LOC400499: variants seen among roughly 807,000 people sequenced by gnomAD.
chr16:11,497,318 A>G, the LOC400499 span, among the ~76,000 whole-genome samples: 1 of 152,370 alleles, frequency 6.6e-6, no homozygotes, highest in Admixed American at 6.5e-5. Context: ...GAGCCTGGAA[A>G]AAGCACATTC....
chr16:11,496,669 C>T, the LOC400499 span, among the ~76,000 whole-genome samples: 7 of 152,086 alleles, frequency 4.6e-5, no homozygotes, highest in Non-Finnish European at 7.4e-5. Flanking sequence ...CGTCCAGGTG[C>T]GTGTGTGTGT....
chr16:11,435,330 T>C, the LOC400499 span, among the ~76,000 whole-genome samples: 1 of 151,730 alleles, frequency 6.6e-6, no homozygotes, highest in African/African-American at 2.4e-5. Flanking sequence ...TGCAAGCTGC[T>C]CTTGAGCTCC....
At chr16:11,484,487 A>G in the LOC400499 span, among the ~76,000 whole-genome samples, 2 of 152,238 alleles carry the variant, frequency 1.3e-5, no homozygotes, top group South Asian at 4.1e-4. Flanking sequence ...TCTCACTTTT[A>G]AAAAGTAGAA....
chr16:11,481,512 G>A, the LOC400499 span, among the ~76,000 whole-genome samples: 2 of 152,074 alleles, frequency 1.3e-5, no homozygotes, highest in East Asian at 1.9e-4. Context: ...CAGTAGAGAC[G>A]GGGTTTCACC....
At chr16:11,380,678 A>C in the LOC400499 span, among the ~76,000 whole-genome samples, 5 of 150,252 alleles carry the variant, frequency 3.3e-5, no homozygotes, top group South Asian at 1.1e-3. Flanking sequence ...GGTGTCCAAG[A>C]GGGGAATAAC....
the LOC400499 span, among the ~76,000 whole-genome samples, chr16:11,436,731 G>C: frequency 6.6e-6 from 1 of 151,996 alleles, no homozygotes; most frequent in Non-Finnish European, 1.5e-5. Context: ...GGAAATACAA[G>C]TGCCCGCCAC....
the LOC400499 span, among the ~76,000 whole-genome samples, chr16:11,415,019 CTG>C: frequency 6.6e-6 from 1 of 152,204 alleles, no homozygotes; most frequent in South Asian, 2.1e-4. Flanking sequence ...TTCTGAATGA[CTG>C]TGGGATGAAA....
the LOC400499 span, among the ~76,000 whole-genome samples, chr16:11,492,934 C>T: frequency 3.9e-5 from 6 of 152,004 alleles, no homozygotes; most frequent in South Asian, 2.1e-4. Context: ...TAAGCTAAGA[C>T]GTACAGGATG....
chr16:11,426,939 T>C, the LOC400499 span, among the ~76,000 whole-genome samples: 27,973 of 135,892 alleles, frequency 0.21, 4,638 homozygotes, highest in African/African-American at 0.46. Flanking sequence ...TGGAAGAAAA[T>C]ATCCTATTCT....
chr16:11,414,380 G>T, the LOC400499 span: 1 of 399,464 alleles, frequency 2.5e-6, no homozygotes, highest in African/African-American at 2.1e-5. Flanking sequence ...TGGAGAGCAG[G>T]CACTGTGTGG....
At chr16:11,459,115 T>C in the LOC400499 span, among the ~76,000 whole-genome samples, 1 of 150,598 alleles carries the variant, frequency 6.6e-6, no homozygotes. Flanking sequence ...TAGCCACAAT[T>C]AAAATTAAAA....
At chr16:11,488,861 G>T in the LOC400499 span, 3 of 398,750 alleles carry the variant, frequency 7.5e-6, no homozygotes, top group African/African-American at 4.1e-5. Flanking sequence ...CCACACAAAA[G>T]AACCCACTGG....
At chr16:11,393,323 C>A in the LOC400499 span, 11 of 1,192,592 alleles carry the variant, frequency 9.2e-6, no homozygotes, top group Non-Finnish European at 1.2e-5. Context: ...CGCCCAGACC[C>A]CCGTCCTTTC....
chr16:11,498,616 A>AC, the LOC400499 span, among the ~76,000 whole-genome samples: 1 of 152,016 alleles, frequency 6.6e-6, no homozygotes, highest in African/African-American at 2.4e-5. Context: ...GGCTTCACGA[A>AC]CCCGGTGCAT....
At chr16:11,486,897 T>A in the LOC400499 span, among the ~76,000 whole-genome samples, 2 of 98,876 alleles carry the variant, frequency 2.0e-5, no homozygotes, top group Non-Finnish European at 3.9e-5. Context: ...GGGGGCTGGA[T>A]GAATGAATCA....
the LOC400499 span, among the ~76,000 whole-genome samples, chr16:11,463,587 G>T: frequency 6.6e-6 from 1 of 152,046 alleles, no homozygotes; most frequent in Non-Finnish European, 1.5e-5. Context: ...TGTGTAAAGA[G>T]GTGTATATAT....
the LOC400499 span, among the ~76,000 whole-genome samples, chr16:11,508,202 C>A: frequency 6.6e-6 from 1 of 152,282 alleles, no homozygotes; most frequent in East Asian, 1.9e-4. Flanking sequence ...TCTCTCAGAA[C>A]AAGACAGATG....
At chr16:11,373,515 G>T in the LOC400499 span, among the ~76,000 whole-genome samples, 1 of 152,096 alleles carries the variant, frequency 6.6e-6, no homozygotes, top group African/African-American at 2.4e-5. Flanking sequence ...TATATTTTTA[G>T]TAGAGACGGG....
At chr16:11,385,213 G>A in the LOC400499 span, 427 of 1,232,250 alleles carry the variant, frequency 3.5e-4, no homozygotes, top group Non-Finnish European at 4.0e-4. Flanking sequence ...CTGCTCACCT[G>A]CAGACTGGGG....
Sources: allele counts gnomAD v4.1 joint callset (sites outside exome capture counted in the v4.1 genomes callset), GRCh38; gene constraint gnomAD v4.1.1; transcripts MANE v1.5.